MTX2: variants seen among roughly 807,000 people sequenced by gnomAD.
MTX2 encodes the protein metaxin-2.
In MTX2, 35 loss-of-function variants were observed where a neutral mutation model predicts 42.3. That is an observed-to-expected ratio of 0.83 (90% CI 0.63 to 1.10). The LOEUF is 1.10. Among genes scored for constraint, MTX2 ranks in the 50% least tolerant of loss-of-function variants. MTX2 has a pLI of 0.00. For missense variants in MTX2, 307 were observed against 304.1 expected (o/e 1.01, Z -0.07); for synonymous variants, 119 against 100.9 (o/e 1.18, Z -1.08).
intron 3 of MTX2, among the ~76,000 whole-genome samples, chr2:176,314,584 T>C (rs1282374936): frequency 6.6e-6 from 1 of 152,212 alleles, no homozygotes; most frequent in East Asian, 1.9e-4. Context: ...AAATTAGATA[T>C]GTATAATATT....
intron 1 of MTX2, among the ~76,000 whole-genome samples, chr2:176,295,039 T>A (rs1249188081): frequency 6.6e-6 from 1 of 152,168 alleles, no homozygotes; most frequent in East Asian, 1.9e-4. Flanking sequence ...TTTAGGGAAT[T>A]AAATGGTAGG....
intron 3 of MTX2, among the ~76,000 whole-genome samples, chr2:176,305,531 A>G (rs1433401176): frequency 6.6e-6 from 1 of 152,144 alleles, no homozygotes; most frequent in Admixed American, 6.6e-5. Flanking sequence ...CAAGATAGAC[A>G]TGGTCTGTAT....
intron 1 of MTX2, among the ~76,000 whole-genome samples, chr2:176,275,903 A>G (rs973458392): frequency 2.6e-5 from 4 of 152,194 alleles, no homozygotes; most frequent in African/African-American, 7.2e-5. Context: ...TAAACAGCAG[A>G]AATTGGCTGC....
At chr2:176,297,334 G>A (rs1174632557) in intron 2 of MTX2, among the ~76,000 whole-genome samples, 1 of 152,116 alleles carries the variant, frequency 6.6e-6, no homozygotes, top group Non-Finnish European at 1.5e-5. Flanking sequence ...ACCCCATTTG[G>A]GGCTTAGCAG....
At chr2:176,320,255 AAAG>A (rs917280601) in intron 3 of MTX2, among the ~76,000 whole-genome samples, 7 of 152,186 alleles carry the variant, frequency 4.6e-5, no homozygotes, top group African/African-American at 1.7e-4. Flanking sequence ...CTCAAAAAAA[AAAG>A]AAGCATAGGT....
chr2:176,320,037 A>G (rs1244083952), intron 3 of MTX2, among the ~76,000 whole-genome samples: 4 of 152,116 alleles, frequency 2.6e-5, no homozygotes, highest in Admixed American at 2.6e-4. Flanking sequence ...TTTTTTGTGA[A>G]CTACAGATTA....
chr2:176,330,183 G>A (rs906680886), intron 8 of MTX2, among the ~76,000 whole-genome samples: 5 of 150,870 alleles, frequency 3.3e-5, no homozygotes, highest in Non-Finnish European at 7.4e-5. Context: ...CCTTTATTAA[G>A]CAGATTTTTT....
At chr2:176,308,392 G>A (rs988396792) in intron 3 of MTX2, among the ~76,000 whole-genome samples, 1 of 152,114 alleles carries the variant, frequency 6.6e-6, no homozygotes, top group Non-Finnish European at 1.5e-5. Flanking sequence ...GCCAGGCTCT[G>A]GTATCAGGAT....
intron 3 of MTX2, among the ~76,000 whole-genome samples, chr2:176,310,536 A>G (rs547725121): frequency 8.5e-5 from 13 of 152,282 alleles, no homozygotes; most frequent in African/African-American, 2.4e-4. Context: ...AGATACACCA[A>G]TCCAATGTAG....
chr2:176,287,045 T>C lies in MTX2; in HGVS notation c.41-9815T>C, dbSNP rs74913311. On this transcript the variant is annotated intron_variant, in intron 1 of 9. Transcript: ENST00000249442. ...TGTGTAATGTGTAGCCCAAACAGAA[T>C]TAAGCCTTGTTATATGTATACCAGA... Among the ~76,000 whole-genome samples, 517 of 151,976 alleles carry C rather than the reference T, an allele frequency of 3.4e-3. 4 individuals are homozygous for C. The highest frequency in any genetic ancestry group is 0.012 in the African/African-American group (510 of 41,506).
chr2:176,328,909 G>C lies in MTX2; in HGVS notation c.414G>C (p.Gly138=). The C allele has an allele frequency of 6.2e-7, 1 of 1,605,220 alleles. No homozygotes were observed. The highest frequency in any genetic ancestry group is 8.5e-7 in the Non-Finnish European group (1 of 1,173,938). ...AGTGGTGTGATGAAGCTACAGTAGG[G>C]GAGGTGAGTGGTTCTGTAACATTTA... The part of the protein sequence containing the change: ...YLQWCDEATV[G]EITHARYGSP... The change falls in exon 7 of 10, where the codon GGG becomes GGC. Residue 138 remains glycine (G), a synonymous_variant. Coordinates refer to ENST00000249442, the MANE Select transcript of MTX2 (RefSeq NM_006554.5).
At chr2:176,270,503 A>G (rs1692782754) in intron 1 of MTX2, 1 of 984,708 alleles carries the variant, frequency 1.0e-6, no homozygotes, top group Non-Finnish European at 1.4e-6. Context: ...GACTAAACAT[A>G]GGTACTTTGA....
rs1366620895 is a variant in MTX2 at position 176,282,136 on chromosome 2, T to G, written c.40+12467T>G. Among the ~76,000 whole-genome samples, 35 of 138,458 alleles carry G rather than the reference T, an allele frequency of 2.5e-4. 5 individuals carry two copies. The South Asian group carries it at 6.0e-3, about 24-fold the overall frequency. The allele number at this position is 138,458 out of a possible 152,430, so 90.8% of individuals were successfully genotyped here. ...TTTAGAGTTACAGTAGTTTTTTTTT[T>G]TTTTTTTTTTTTTTTTTTGCTGTCA... On this transcript the variant is annotated intron_variant, in intron 1 of 9. Coordinates refer to ENST00000249442, the MANE Select transcript of MTX2 (RefSeq NM_006554.5).
intron 1 of MTX2, among the ~76,000 whole-genome samples, chr2:176,275,362 T>C (rs7576608): frequency 4.9e-4 from 74 of 151,658 alleles, no homozygotes; most frequent in Middle Eastern, 3.4e-3. Context: ...CCTCAGCCTC[T>C]TGAGTAGCTG....
At chr2:176,309,074 A>C (rs531647526) in intron 3 of MTX2, among the ~76,000 whole-genome samples, 1 of 152,260 alleles carries the variant, frequency 6.6e-6, no homozygotes, top group South Asian at 2.1e-4. Flanking sequence ...TGTGTTCCAG[A>C]GATTCTGATA....
intron 3 of MTX2, among the ~76,000 whole-genome samples, chr2:176,305,262 A>G (rs1684111953): frequency 6.6e-6 from 1 of 152,076 alleles, no homozygotes; most frequent in Admixed American, 6.6e-5. Flanking sequence ...GTTCATCCTA[A>G]GAATTTTAAT....
chr2:176,319,736 C>T (rs1241926924), intron 3 of MTX2, among the ~76,000 whole-genome samples: 8 of 151,942 alleles, frequency 5.3e-5, no homozygotes, highest in Non-Finnish European at 7.4e-5. Flanking sequence ...CCACCACGCC[C>T]GGCTAATTTT....
intron 1 of MTX2, among the ~76,000 whole-genome samples, chr2:176,296,086 T>A (rs17806377): frequency 0.21 from 31,601 of 152,122 alleles, 4,126 homozygotes; most frequent in Admixed American, 0.28. Context: ...AAAATTCAAA[T>A]CTAGTACTTT....
chr2:176,304,062 A>G (rs1684088801), intron 3 of MTX2, among the ~76,000 whole-genome samples: 1 of 152,052 alleles, frequency 6.6e-6, no homozygotes, highest in Non-Finnish European at 1.5e-5. Context: ...TTTCATTATT[A>G]GATATACAAT....
Sources: gnomAD v4.1 joint callset for allele counts (sites outside exome capture counted in the v4.1 genomes callset) on GRCh38, gnomAD v4.1.1 for gene constraint, MANE v1.5 for transcripts, NCBI Gene and HGNC (gene_info 2026-07-23, HGNC 2026-07-21) for gene names.